Variants in FBLN5 observed in about 807,000 individuals in gnomAD.
FBLN5 encodes fibulin-5.
A neutral mutation model predicts 61.6 loss-of-function variants in FBLN5; 24 were observed. The ratio of observed to expected loss-of-function variants is 0.39; its 90% CI spans 0.28 to 0.55. The LOEUF (loss-of-function observed/expected upper bound fraction) is 0.55. Ranked by LOEUF, FBLN5 falls within the 20% of genes least tolerant of loss-of-function variation. The pLI is 0.65. For missense variants in FBLN5, 470 were observed against 594.1 expected (o/e 0.79, Z 2.17); for synonymous variants, 213 against 219.8 (o/e 0.97, Z 0.27).
intron 4 of FBLN5, among the ~76,000 whole-genome samples, chr14:91,904,738 T>C (rs898350123): frequency 7.2e-5 from 11 of 152,280 alleles, no homozygotes; most frequent in Admixed American, 5.9e-4. Flanking sequence ...TGTGACCTCA[T>C]CCAAACGCAG....
chr14:91,900,984 C>T (rs150831745), intron 4 of FBLN5, among the ~76,000 whole-genome samples: 34 of 152,304 alleles, frequency 2.2e-4, no homozygotes, highest in African/African-American at 7.7e-4. Flanking sequence ...GACTTCTCCC[C>T]CTTGAGCCCC....
At chr14:91,926,213 G>T (rs2055825826) in intron 4 of FBLN5, among the ~76,000 whole-genome samples, 1 of 152,114 alleles carries the variant, frequency 6.6e-6, no homozygotes, top group African/African-American at 2.4e-5. Context: ...AGAGCCTGTG[G>T]GCACCTGCCT....
At chr14:91,905,232 T>C (rs1297969437) in intron 4 of FBLN5, among the ~76,000 whole-genome samples, 1 of 152,126 alleles carries the variant, frequency 6.6e-6, no homozygotes, top group Admixed American at 6.6e-5. Context: ...ACCAGGGTGA[T>C]CTGGTACACA....
At chr14:91,907,844 C>T (rs1048862378) in intron 4 of FBLN5, among the ~76,000 whole-genome samples, 9 of 152,152 alleles carry the variant, frequency 5.9e-5, no homozygotes, top group African/African-American at 1.9e-4. Context: ...CAGTGAGATG[C>T]CCCCCACACA....
chr14:91,941,319 C>G (rs936130271), intron 2 of FBLN5, among the ~76,000 whole-genome samples: 1 of 152,138 alleles, frequency 6.6e-6, no homozygotes, highest in African/African-American at 2.4e-5. Context: ...CATAAAGATG[C>G]TTCCAGAAAG....
At chr14:91,902,428 C>A (rs577441094) in intron 4 of FBLN5, among the ~76,000 whole-genome samples, 2 of 152,088 alleles carry the variant, frequency 1.3e-5, no homozygotes, top group South Asian at 4.2e-4. Context: ...TCTTTAGAAG[C>A]CAGTAGTTTC....
At chr14:91,941,658 C>A (rs2056106842) in intron 2 of FBLN5, among the ~76,000 whole-genome samples, 1 of 152,116 alleles carries the variant, frequency 6.6e-6, no homozygotes. Context: ...CAGGTTCCAG[C>A]CCTGGTTGTC....
At chr14:91,881,120 TACACACAC>T (rs200128392) in intron 9 of FBLN5, among the ~76,000 whole-genome samples, 164 bp downstream of exon 9, 5 of 61,550 alleles carry the variant, frequency 8.1e-5, no homozygotes, top group African/African-American at 1.4e-4. Flanking sequence ...TGTTCTATTC[TACACACAC>T]ACACACACAC....
intron 4 of FBLN5, among the ~76,000 whole-genome samples, chr14:91,896,419 C>G (rs980503878): frequency 6.7e-6 from 1 of 149,250 alleles, no homozygotes; most frequent in Non-Finnish European, 1.5e-5. Flanking sequence ...AGGGTTTGCT[C>G]ATCTACACCT....
At chr14:91,891,581 C>T (rs982840430) in intron 5 of FBLN5, among the ~76,000 whole-genome samples, 1 of 152,156 alleles carries the variant, frequency 6.6e-6, no homozygotes, top group African/African-American at 2.4e-5. Context: ...TGAACCTATC[C>T]TAAAAGTTGC....
At chr14:91,941,931 C>A in intron 2 of FBLN5, 2 of 345,456 alleles carry the variant, frequency 5.8e-6, no homozygotes, top group South Asian at 4.4e-5. Flanking sequence ...CTTAGAAAAC[C>A]GCAAGGTCTA....
In FBLN5 at chr14:91,937,172, C is replaced by A. The variant is rs765202002; in HGVS notation, c.154G>T (p.Ala52Ser). The A allele has an allele frequency of 1.2e-6, 2 of 1,614,076 alleles. No individual in the cohort carries two copies. The highest frequency in any genetic ancestry group is 3.3e-5 in the Admixed American group (2 of 60,014). The change falls in exon 4 of 11, where the codon GCC (alanine) becomes TCC (serine). Residue 52 changes from alanine to serine, a missense_variant. Physicochemically the swap from Ala to Ser is moderately conservative, Grantham distance 99 (BLOSUM62 1). Transcript: ENST00000342058. ...ACACACATCATGTCTCCTCGGCAGG[C>A]CTCGGGGATGGTTCGGCATTCATCA... ...DIDECRTIPEACRGDMMCVNQ... is the reference protein window; with the variant it reads ...DIDECRTIPESCRGDMMCVNQ...
intron 4 of FBLN5, among the ~76,000 whole-genome samples, chr14:91,931,803 G>A (rs775357785): frequency 9.2e-5 from 14 of 152,092 alleles, no homozygotes; most frequent in Non-Finnish European, 1.6e-4. Context: ...GTTGAGTGGC[G>A]GCCACGTTCA....
intron 4 of FBLN5, among the ~76,000 whole-genome samples, chr14:91,925,717 T>C (rs1450721644): frequency 2.0e-5 from 3 of 152,250 alleles, no homozygotes; most frequent in Non-Finnish European, 2.9e-5. Flanking sequence ...TTAATCTCAC[T>C]GGAAGGTTCT....
intron 4 of FBLN5, among the ~76,000 whole-genome samples, chr14:91,916,784 T>G (rs542943880): frequency 2.6e-5 from 4 of 152,178 alleles, no homozygotes; most frequent in African/African-American, 9.6e-5. Context: ...TCTCTTTCCA[T>G]GCAAAAGTTA....
chr14:91,876,613 G>A (rs756888244), intron 10 of FBLN5, among the ~76,000 whole-genome samples: 4 of 152,162 alleles, frequency 2.6e-5, no homozygotes, highest in Non-Finnish European at 2.9e-5. Context: ...AGGAGGCAGC[G>A]TGACCACAGA....
intron 6 of FBLN5, among the ~76,000 whole-genome samples, chr14:91,889,119 T>A (rs1889866524): frequency 6.6e-6 from 1 of 152,188 alleles, no homozygotes; most frequent in Non-Finnish European, 1.5e-5. Context: ...AGAGAGGGTC[T>A]AGCAAGACAC....
chr14:91,887,332 A>G lies in FBLN5; in HGVS notation c.620-20T>C. On this transcript the variant is annotated intron_variant, in intron 6 of 10. Transcript: ENST00000342058. ...TCACATCTGTGGAAAGCCAAGGCAC[A>G]TTGCTGACTGTCCTCCCAACAGAAC... 1 of 1,611,350 alleles carries G rather than the reference A, an allele frequency of 6.2e-7. No homozygotes were observed. The highest frequency in any genetic ancestry group is 2.2e-5 in the East Asian group (1 of 44,846).
At chr14:91,941,571 T>C (rs3783936) in intron 2 of FBLN5, among the ~76,000 whole-genome samples, 1,552 of 151,892 alleles carry the variant, frequency 0.01, 31 homozygotes, top group South Asian at 0.067. Context: ...GGTTCAGGGG[T>C]CCCAGGGAGT....
Sources: gnomAD v4.1 joint callset for allele counts (sites outside exome capture counted in the v4.1 genomes callset) on GRCh38, gnomAD v4.1.1 for gene constraint, MANE v1.5 for transcripts, NCBI Gene and HGNC (gene_info 2026-07-23, HGNC 2026-07-21) for gene names.